Variants in TMEM140 observed in about 807,000 individuals in gnomAD.
TMEM140 encodes transmembrane protein 140.
For missense variants in TMEM140, 236 were observed against 228.5 expected, an observed-to-expected ratio of 1.03 and a Z score of -0.21; for synonymous variants, 107 against 106.8, an observed-to-expected ratio of 1.00 and a Z score of -0.01.
rs2117463790 is a variant in TMEM140 at position 135,161,667 on chromosome 7, C to A, written c.-24-2751C>A. On this transcript the variant is annotated intron_variant, in intron 1 of 1. Coordinates refer to ENST00000275767, the MANE Select transcript of TMEM140 (RefSeq NM_018295.5). This position sits in a 1 kb window ranked among gnomAD's most constrained non-coding sequence, Gnocchi z 4.1. ...TCCTTATCATCCCAGACTAATGCCACCTTTTCAATTCCCAATAATTCCTTC... is the reference window on the plus strand; with the variant it reads ...TCCTTATCATCCCAGACTAATGCCAACTTTTCAATTCCCAATAATTCCTTC... Among the ~76,000 whole-genome samples, 1 of 152,352 alleles carries A rather than the reference C, an allele frequency of 6.6e-6. No individual in the cohort carries two copies. Among genetic ancestry groups the A allele is most frequent in the South Asian group, 2.1e-4 (1 of 4,828 alleles).
At chr7:135,148,306 A>G (rs1829590658) in intron 1 of TMEM140, 36 bp downstream of exon 1, 54 of 349,468 alleles carry the variant, frequency 1.5e-4, no homozygotes, top group South Asian at 1.2e-3. Context: ...CAGCTTACCC[A>G]GACGTCTACT....
rs953188728 is a variant in TMEM140, at chr7:135,165,300, C to T, written c.*301C>T. 1.7e-5 allele frequency: 5 copies of T among 297,736 alleles called. No individual in the cohort carries two copies. The highest frequency in any genetic ancestry group is 9.4e-5 in the Admixed American group (2 of 21,330). 18.4% of individuals were successfully genotyped at this position (297,736 alleles called of 1,614,324 possible). ...AATTAATGGATCTGAGCAAATCTTC[C>T]TCTAGCTTCAGGAGGGTGGGGAGGG... On this transcript the variant is annotated 3_prime_UTR_variant, in exon 2 of 2. Transcript: ENST00000275767.
In TMEM140 at chr7:135,165,424, G is replaced by T. The variant is rs916570463; in HGVS notation, c.*425G>T. The T allele has an allele frequency of 5.6e-6, 1 of 180,094 alleles. No homozygotes were observed. Among genetic ancestry groups the T allele is most frequent in the Admixed American group, 5.7e-5 (1 of 17,652 alleles). 11.2% of individuals were successfully genotyped at this position (180,094 alleles called of 1,614,324 possible). The stretch of plus-strand genomic sequence containing the variant: ...ACGGCAACAAACGAGGACATTAAAA[G>T]AGCGAGCACCTCAGTGTCTCTGGGG... On this transcript the variant is annotated 3_prime_UTR_variant, in exon 2 of 2. Coordinates refer to ENST00000275767, the MANE Select transcript of TMEM140 (RefSeq NM_018295.5).
chr7:135,160,860 G>A (rs180930445), intron 1 of TMEM140, among the ~76,000 whole-genome samples: 2 of 152,314 alleles, frequency 1.3e-5, no homozygotes, highest in Non-Finnish European at 1.5e-5. Context: ...CCAGAGTGTG[G>A]GCTGAAGGAG....
Position 135,165,112 on chromosome 7 carries a change from C to A in TMEM140, c.*113C>A. On this transcript the variant is annotated 3_prime_UTR_variant, in exon 2 of 2. Transcript: ENST00000275767. Reference sequence around the variant, plus strand: ...TCTCCAGCTCCAGCGATGGAACCCACTACAGAGGAGGTGGGGCCCCTGTGT... The same window carrying A: ...TCTCCAGCTCCAGCGATGGAACCCAATACAGAGGAGGTGGGGCCCCTGTGT... The A allele has an allele frequency of 5.2e-6, 7 of 1,353,792 alleles. No homozygotes were observed. The highest frequency in any genetic ancestry group is 6.9e-6 in the Non-Finnish European group (7 of 1,007,812). The allele number at this position is 1,353,792 out of a possible 1,614,324, so 83.9% of individuals were successfully genotyped here.
chr7:135,164,507 T>C lies in TMEM140; in HGVS notation c.66T>C (p.Ile22=), dbSNP rs1830032308. 2 of 1,613,276 alleles carry C rather than the reference T, an allele frequency of 1.2e-6. No homozygotes were observed. Among genetic ancestry groups the C allele is most frequent in the Non-Finnish European group, 1.7e-6 (2 of 1,179,220 alleles). ...LLFMSIIVLV[I]VVICLMFYAL... is the part of the protein sequence containing the mutation. ...TCATGAGCATCATAGTCCTCGTGATTGTGGTCATCTGCCTGATGTTTTACG... is the reference window on the plus strand; with the variant it reads ...TCATGAGCATCATAGTCCTCGTGATCGTGGTCATCTGCCTGATGTTTTACG... The change falls in exon 2 of 2, where the codon ATT becomes ATC. Residue 22 remains isoleucine (I), a synonymous_variant. Coordinates refer to ENST00000275767, the MANE Select transcript of TMEM140 (RefSeq NM_018295.5).
At chr7:135,162,241 A>T (rs767574509) in intron 1 of TMEM140, among the ~76,000 whole-genome samples, 9 of 152,168 alleles carry the variant, frequency 5.9e-5, no homozygotes, top group Non-Finnish European at 8.8e-5. Context: ...GAAACTGATC[A>T]TCAGGGCTGT....
At chr7:135,162,818 T>C (rs1360201265) in intron 1 of TMEM140, among the ~76,000 whole-genome samples, 2 of 152,222 alleles carry the variant, frequency 1.3e-5, no homozygotes, top group African/African-American at 4.8e-5. Flanking sequence ...AAATACAGTG[T>C]GCAGACCACT....
Position 135,165,188 on chromosome 7 carries a change from G to A in TMEM140, c.*189G>A, listed in dbSNP as rs1171448288. 1.7e-6 allele frequency: 1 copy of A among 588,944 alleles called. No individual in the cohort carries two copies. The highest frequency in any genetic ancestry group is 3.0e-6 in the Non-Finnish European group (1 of 333,612). The allele number at this position is 588,944 out of a possible 1,614,324, so 36.5% of individuals were successfully genotyped here. A position where few individuals can be genotyped will look rare whatever the true frequency, so the allele number is the denominator to read the frequency against. ...CAGCCAGGGCACCTGTGACTTCTTA[G>A]TACAAGATTGTCTGTCCTTCAGGAC... On this transcript the variant is annotated 3_prime_UTR_variant, in exon 2 of 2. Coordinates refer to ENST00000275767, the MANE Select transcript of TMEM140 (RefSeq NM_018295.5).
intron 1 of TMEM140, among the ~76,000 whole-genome samples, chr7:135,157,227 T>C (rs1829817492): frequency 6.6e-6 from 1 of 152,244 alleles, no homozygotes; most frequent in South Asian, 2.1e-4. Flanking sequence ...AAATTGCTTT[T>C]ATAAGGGAGA....
intron 1 of TMEM140, among the ~76,000 whole-genome samples, chr7:135,164,081 A>G (rs1360604572): frequency 6.6e-6 from 1 of 152,258 alleles, no homozygotes. Context: ...AAGATCTGAG[A>G]AATCCCCTCA....
intron 1 of TMEM140, among the ~76,000 whole-genome samples, chr7:135,158,492 C>T (rs569360237): frequency 1.4e-4 from 22 of 152,334 alleles, no homozygotes; most frequent in African/African-American, 5.3e-4. Flanking sequence ...GGCCACATCT[C>T]GGTCTCACAG....
At chr7:135,148,807 G>C (rs1585339657) in intron 1 of TMEM140, among the ~76,000 whole-genome samples, 1 of 152,180 alleles carries the variant, frequency 6.6e-6, no homozygotes, top group East Asian at 1.9e-4. Context: ...TCTTATGTTA[G>C]TCATTAGACC....
rs541343509 is a variant in TMEM140, at chr7:135,154,313, C to T, written c.-25+6043C>T. On this transcript the variant is annotated intron_variant, in intron 1 of 1. Coordinates refer to ENST00000275767, the MANE Select transcript of TMEM140 (RefSeq NM_018295.5). Reference sequence around the variant, plus strand: ...TTGATCCCAAGAACTAATATATGAACTTTTAGTTTCATTGATCCTTTGTAA... The same window carrying T: ...TTGATCCCAAGAACTAATATATGAATTTTTAGTTTCATTGATCCTTTGTAA... 3.0e-4 allele frequency among the ~76,000 whole-genome samples: 46 copies of T among 152,192 alleles called. No individual in the cohort carries two copies. In the South Asian group the frequency reaches 9.3e-3, roughly 31 times the overall value.
chr7:135,157,959 A>G (rs1829835819), intron 1 of TMEM140, among the ~76,000 whole-genome samples: 1 of 152,144 alleles, frequency 6.6e-6, no homozygotes, highest in Non-Finnish European at 1.5e-5. Flanking sequence ...ATGGTCAAGA[A>G]GCTGTAGGGA....
At chr7:135,152,397 T>C (rs989404259) in intron 1 of TMEM140, among the ~76,000 whole-genome samples, 21 of 152,244 alleles carry the variant, frequency 1.4e-4, no homozygotes, top group African/African-American at 4.8e-4. Flanking sequence ...TAGATCCTCA[T>C]GGTGATTAAC....
At chr7:135,156,612 T>G (rs1299613681) in intron 1 of TMEM140, among the ~76,000 whole-genome samples, 1 of 152,162 alleles carries the variant, frequency 6.6e-6, no homozygotes, top group African/African-American at 2.4e-5. Context: ...ATATCCTGGA[T>G]TAATTTTCTG....
chr7:135,156,848 G>A (rs1000219302), intron 1 of TMEM140, among the ~76,000 whole-genome samples: 9 of 152,170 alleles, frequency 5.9e-5, no homozygotes, highest in African/African-American at 1.7e-4. Flanking sequence ...TGTGAGAGGG[G>A]ACGCCAGGGG....
At chr7:135,155,568 C>T (rs11982020) in intron 1 of TMEM140, among the ~76,000 whole-genome samples, 5,565 of 152,222 alleles carry the variant, frequency 0.037, 326 homozygotes, top group African/African-American at 0.13. Flanking sequence ...GTGGCTCATG[C>T]CTTTAATCCC....
Sources: allele counts gnomAD v4.1 joint callset (sites outside exome capture counted in the v4.1 genomes callset), GRCh38; gene constraint gnomAD v4.1.1; non-coding constraint Gnocchi (gnomAD v3.1); transcripts MANE v1.5; gene names NCBI Gene and HGNC (gene_info 2026-07-23, HGNC 2026-07-21).